Variants in CA4 observed in about 807,000 individuals in gnomAD.
CA4 encodes the protein CA-IV.
In CA4, 24 loss-of-function variants were observed where a neutral mutation model predicts 34.5. That is an observed-to-expected ratio of 0.70 (90% CI 0.50 to 0.98). The LOEUF (loss-of-function observed/expected upper bound fraction) is 0.98. Ranked by LOEUF, CA4 falls within the 50% of genes least tolerant of loss-of-function variation. CA4 has a pLI of 0.00. For missense variants in CA4, 394 were observed against 396.7 expected (o/e 0.99, Z 0.06); for synonymous variants, 178 against 170.6 (o/e 1.04, Z -0.34).
rs1347699310 is a variant in CA4, at chr17:60,150,098, C to T, written c.58+6C>T. ...GCGGCCATCGGCCAGTGCAGGTGAG[C>T]TCCCGGGCTCCGGCCCCAGGTGCCC... On this transcript the variant is annotated splice_donor_region_variant and intron_variant, in intron 1 of 7. Coordinates refer to ENST00000300900, the MANE Select transcript of CA4 (RefSeq NM_000717.5). 1 of 1,594,580 alleles carries T rather than the reference C, an allele frequency of 6.3e-7. No individual in the cohort carries two copies. The highest frequency in any genetic ancestry group is 2.2e-5 in the East Asian group (1 of 44,650).
the CA4 span, among the ~76,000 whole-genome samples, chr17:60,177,755 T>C: frequency 6.6e-6 from 1 of 152,176 alleles, no homozygotes; most frequent in African/African-American, 2.4e-5. Context: ...AGATAACCTT[T>C]CCAAATGCTC....
chr17:60,161,567 TGGTGGGAGAA>T (rs2083789057), downstream of CA4, among the ~76,000 whole-genome samples: 2 of 152,014 alleles, frequency 1.3e-5, no homozygotes, highest in South Asian at 4.1e-4. Flanking sequence ...GGAGGGGAGC[TGGTGGGAGAA>T]GGTGGTCTCT....
chr17:60,150,313 G>A (rs1220476307), intron 1 of CA4, among the ~76,000 whole-genome samples: 1 of 152,198 alleles, frequency 6.6e-6, no homozygotes, highest in African/African-American at 2.4e-5. Context: ...GGGAGCGTGT[G>A]CACGGGTGTG....
intron 3 of CA4, 74 bp downstream of exon 3, chr17:60,156,789 C>G (rs2083693788): frequency 1.4e-6 from 2 of 1,406,920 alleles, no homozygotes; most frequent in Non-Finnish European, 2.0e-6. Context: ...GGGCTCCTCC[C>G]AGGAGGGTGT....
At chr17:60,175,595 G>A (rs2083954094), downstream of CA4, among the ~76,000 whole-genome samples, 1 of 143,188 alleles carries the variant, frequency 7.0e-6, no homozygotes, top group Admixed American at 7.1e-5. Context: ...TGTGAACCTA[G>A]GAGTTGGAGT....
At chr17:60,160,009 G>A (rs890866242), downstream of CA4, among the ~76,000 whole-genome samples, 7 of 152,316 alleles carry the variant, frequency 4.6e-5, no homozygotes, top group African/African-American at 1.4e-4. Context: ...GTGTGGTGGT[G>A]CACACCTGTA....
Position 60,159,503 on chromosome 17 carries a change from G to T in CA4, c.*79G>T. On this transcript the variant is annotated 3_prime_UTR_variant, in exon 8 of 8. Coordinates refer to ENST00000300900, the MANE Select transcript of CA4 (RefSeq NM_000717.5). ...CTTCCGGTCCTTAGCCTTCCCAGGT[G>T]GGACTTTAGGCATGATTAAAATATG... 1 of 1,452,876 alleles carries T rather than the reference G, an allele frequency of 6.9e-7. No homozygotes were observed. The highest frequency in any genetic ancestry group is 1.2e-5 in the South Asian group (1 of 85,136). 90.0% of individuals were successfully genotyped at this position (1,452,876 alleles called of 1,614,324 possible). A position where few individuals can be genotyped will look rare whatever the true frequency, so the allele number is the denominator to read the frequency against.
chr17:60,167,106 C>T (rs546254056), intron 5 of CA4, among the ~76,000 whole-genome samples: 2 of 152,324 alleles, frequency 1.3e-5, no homozygotes, highest in East Asian at 1.9e-4. Flanking sequence ...CCCTTGCCAG[C>T]GAATGAATGA....
intron 1 of CA4, among the ~76,000 whole-genome samples, chr17:60,155,100 A>C (rs572956969): frequency 6.6e-5 from 10 of 152,074 alleles, no homozygotes; most frequent in Non-Finnish European, 1.0e-4. Context: ...CTGCCTGGGG[A>C]ACAGAGCCCT....
downstream of CA4, among the ~76,000 whole-genome samples, chr17:60,174,139 A>G (rs1314075765): frequency 6.6e-6 from 1 of 151,522 alleles, no homozygotes; most frequent in Non-Finnish European, 1.5e-5. Context: ...TTTGGAAATG[A>G]AGTGGTATTT....
chr17:60,157,284 C>G (rs765905659), intron 3 of CA4, 143 bp from the exon 4 acceptor site: 4 of 874,308 alleles, frequency 4.6e-6, no homozygotes, highest in Non-Finnish European at 7.4e-6. Flanking sequence ...TGTCCCACCC[C>G]GCGCCACCCC....
intron 3 of CA4, 105 bp downstream of exon 3, chr17:60,156,820 T>C (rs1354172939): frequency 1.9e-6 from 2 of 1,043,262 alleles, no homozygotes; most frequent in Non-Finnish European, 1.5e-6. Context: ...GGCCCATCTG[T>C]GCTGTGAGGT....
intron 6 of CA4, 68 bp downstream of exon 6, chr17:60,158,195 G>A (rs2083728729): frequency 1.2e-6 from 2 of 1,605,414 alleles, no homozygotes; most frequent in African/African-American, 2.7e-5. Context: ...GAAGGGGTGG[G>A]TGTGCGGGGA....
intron 1 of CA4, among the ~76,000 whole-genome samples, chr17:60,150,670 A>AAAAAAAG (rs2083575358): frequency 6.9e-5 from 10 of 143,912 alleles, no homozygotes; most frequent in African/African-American, 2.3e-4. Context: ...AAAAAAAAAA[A>AAAAAAAG]AAAAAAAAAA....
chr17:60,152,402 G>C (rs1310222273), intron 1 of CA4, among the ~76,000 whole-genome samples: 1 of 152,166 alleles, frequency 6.6e-6, no homozygotes, highest in Admixed American at 6.5e-5. Flanking sequence ...TCCTGAAGAA[G>C]GTAGTTACAA....
intron 1 of CA4, among the ~76,000 whole-genome samples, chr17:60,150,735 C>T (rs2083577441): frequency 6.6e-6 from 1 of 151,678 alleles, no homozygotes; most frequent in Non-Finnish European, 1.5e-5. Context: ...CTTTTCTCAC[C>T]CAGCCTCCTC....
chr17:60,176,161 A>G, the CA4 span, among the ~76,000 whole-genome samples: 1 of 152,152 alleles, frequency 6.6e-6, no homozygotes, highest in Non-Finnish European at 1.5e-5. Context: ...GGAAAATGTG[A>G]ACAGAGGACT....
At chr17:60,150,934 G>C (rs1461293538) in intron 1 of CA4, among the ~76,000 whole-genome samples, 2 of 151,996 alleles carry the variant, frequency 1.3e-5, no homozygotes, top group African/African-American at 2.4e-5. Flanking sequence ...TGGCGGGGGC[G>C]GGGGGTGGGG....
intron 3 of CA4, chr17:60,156,986 G>A (rs766363994): frequency 2.2e-5 from 12 of 551,084 alleles, no homozygotes; most frequent in African/African-American, 5.7e-5. Context: ...ACAGCTCGGC[G>A]TGTTCAGAGG....
Sources: allele counts gnomAD v4.1 joint callset (sites outside exome capture counted in the v4.1 genomes callset), GRCh38; gene constraint gnomAD v4.1.1; transcripts MANE v1.5; gene names NCBI Gene and HGNC (gene_info 2026-07-23, HGNC 2026-07-21).